The following SNX13 variants were observed in gnomAD, a reference collection of about 807,000 sequenced individuals.
SNX13 encodes sorting nexin-13.
Under a neutral mutation model 133.6 loss-of-function variants are expected in SNX13, and 45 were observed. The ratio of observed to expected loss-of-function variants is 0.34; its 90% CI spans 0.27 to 0.43. The LOEUF (loss-of-function observed/expected upper bound fraction) is 0.43. SNX13 is among the 20% of genes least tolerant of loss of function. The pLI is 1.00. For missense variants in SNX13, 1,032 were observed against 1,145.1 expected, an observed-to-expected ratio of 0.90 and a Z score of 1.43; for synonymous variants, 414 against 373.9, an observed-to-expected ratio of 1.11 and a Z score of -1.24.
intron 1 of SNX13, among the ~76,000 whole-genome samples, chr7:17,902,413 C>T (rs1218115167): frequency 2.6e-5 from 4 of 152,084 alleles, no homozygotes; most frequent in African/African-American, 7.2e-5. Flanking sequence ...AAATGTTAAA[C>T]TGTTCATTGA....
At chr7:17,798,977 T>G in intron 23 of SNX13, 32 bp downstream of exon 23, 1 of 1,590,090 alleles carries the variant, frequency 6.3e-7, no homozygotes, top group Non-Finnish European at 8.5e-7. Context: ...CTAAGTAAGA[T>G]CAGATTAAAA....
chr7:17,908,863 A>G (rs747854757), intron 1 of SNX13, among the ~76,000 whole-genome samples: 2 of 152,166 alleles, frequency 1.3e-5, no homozygotes, highest in Non-Finnish European at 2.9e-5. Flanking sequence ...ACTCAGCTAG[A>G]AAGGGTGGGG....
chr7:17,891,730 TTATCCTC>T, intron 3 of SNX13, 95 bp from the exon 4 acceptor site: 2 of 738,476 alleles, frequency 2.7e-6, no homozygotes, highest in East Asian at 5.3e-5. Context: ...CATCCCTTCA[TTATCCTC>T]AAGTAAATAA....
intron 5 of SNX13, among the ~76,000 whole-genome samples, chr7:17,887,320 G>C (rs966703179): frequency 2.0e-5 from 3 of 152,154 alleles, no homozygotes; most frequent in African/African-American, 7.2e-5. Flanking sequence ...AAGGCTGTCT[G>C]CATCACACTA....
Position 17,937,462 on chromosome 7 carries a change from C to T in SNX13, c.12+2822G>A, listed in dbSNP as rs2128055596. On this transcript the variant is annotated intron_variant, in intron 1 of 25. Transcript: ENST00000428135. ...CTGGAAGGCGGAGGTTGCAGTGAGC[C>T]AAGATCGCGCCACTGCACTCCAGCC... 4.2e-5 allele frequency among the ~76,000 whole-genome samples: 6 copies of T among 143,440 alleles called. No individual in the cohort carries two copies. The Middle Eastern group carries it at 0.015, about 349-fold the overall frequency. The allele number at this position is 143,440 out of a possible 152,430, so 94.1% of individuals were successfully genotyped here. A position where few individuals can be genotyped will look rare whatever the true frequency, so the allele number is the denominator to read the frequency against.
intron 20 of SNX13, among the ~76,000 whole-genome samples, chr7:17,804,061 T>C (rs994816702): frequency 4.6e-5 from 7 of 151,934 alleles, no homozygotes; most frequent in African/African-American, 9.7e-5. Flanking sequence ...GAGACCCTTG[T>C]CACAAAAAAC....
intron 1 of SNX13, among the ~76,000 whole-genome samples, chr7:17,933,813 A>AC (rs398003841): frequency 1.3e-5 from 2 of 149,710 alleles, no homozygotes; most frequent in East Asian, 4.0e-4. Context: ...AAAAAAAAAA[A>AC]CCCGATGTAC....
intron 1 of SNX13, among the ~76,000 whole-genome samples, chr7:17,925,172 C>T (rs1454848341): frequency 1.3e-5 from 2 of 152,134 alleles, no homozygotes; most frequent in Non-Finnish European, 2.9e-5. Flanking sequence ...CGATATCATG[C>T]CACTGCACTA....
intron 1 of SNX13, among the ~76,000 whole-genome samples, chr7:17,939,682 G>C (rs1424937449): frequency 5.9e-5 from 9 of 152,242 alleles, no homozygotes; most frequent in Non-Finnish European, 1.0e-4. Context: ...ATGCTAAACT[G>C]AACTTTGTGA....
At chr7:17,922,290 A>AGTGG (rs1800209795) in intron 1 of SNX13, among the ~76,000 whole-genome samples, 3 of 152,202 alleles carry the variant, frequency 2.0e-5, no homozygotes, top group Admixed American at 2.0e-4. Context: ...ATTTAAAGCT[A>AGTGG]GTGGGGTCTT....
At chr7:17,931,648 T>C (rs1367531764) in intron 1 of SNX13, among the ~76,000 whole-genome samples, 1 of 152,180 alleles carries the variant, frequency 6.6e-6, no homozygotes, top group African/African-American at 2.4e-5. Context: ...ACAGCTAAGG[T>C]CAAGAGCAAA....
At chr7:17,803,961 G>A (rs1743542034) in intron 20 of SNX13, among the ~76,000 whole-genome samples, 1 of 151,808 alleles carries the variant, frequency 6.6e-6, no homozygotes, top group Non-Finnish European at 1.5e-5. Flanking sequence ...GGAAGGTGAG[G>A]CAAGAGGATG....
chr7:17,799,371 A>G (rs978459850), intron 22 of SNX13, among the ~76,000 whole-genome samples: 2 of 151,764 alleles, frequency 1.3e-5, no homozygotes, highest in African/African-American at 4.8e-5. Flanking sequence ...TAATGAATAA[A>G]TTTTAAGGCT....
intron 1 of SNX13, among the ~76,000 whole-genome samples, chr7:17,908,716 T>G (rs1035180416): frequency 6.6e-6 from 1 of 152,272 alleles, no homozygotes; most frequent in East Asian, 1.9e-4. Context: ...CAAAGGTAAA[T>G]AAAGCATAGT....
intron 18 of SNX13, among the ~76,000 whole-genome samples, chr7:17,820,609 C>T (rs1787185031): frequency 6.6e-6 from 1 of 152,062 alleles, no homozygotes; most frequent in African/African-American, 2.4e-5. Flanking sequence ...GTTTATCTCA[C>T]TCTATCCACA....
intron 5 of SNX13, among the ~76,000 whole-genome samples, chr7:17,876,795 G>C (rs1200335808): frequency 6.6e-6 from 1 of 151,838 alleles, no homozygotes; most frequent in Non-Finnish European, 1.5e-5. Context: ...AAACACAATA[G>C]ATAACTCAAA....
At chr7:17,934,014 C>T (rs1203516096) in intron 1 of SNX13, among the ~76,000 whole-genome samples, 2 of 152,188 alleles carry the variant, frequency 1.3e-5, no homozygotes, top group African/African-American at 2.4e-5. Context: ...AAAGTTGAGA[C>T]TCATCCCTTA....
intron 11 of SNX13, among the ~76,000 whole-genome samples, chr7:17,848,155 G>C (rs1175650155): frequency 2.0e-5 from 3 of 152,146 alleles, no homozygotes; most frequent in Non-Finnish European, 1.5e-5. Context: ...CTGGACATTG[G>C]AGAGAAGCGG....
intron 9 of SNX13, among the ~76,000 whole-genome samples, chr7:17,860,490 C>T (rs922983019): frequency 3.0e-4 from 46 of 152,194 alleles, no homozygotes; most frequent in African/African-American, 1.1e-3. Context: ...TGATACACTC[C>T]CACTCTCTAT....
Sources: allele counts gnomAD v4.1 joint callset (sites outside exome capture counted in the v4.1 genomes callset), GRCh38; gene constraint gnomAD v4.1.1; transcripts MANE v1.5; gene names NCBI Gene and HGNC (gene_info 2026-07-23, HGNC 2026-07-21).